Variants in NECAB2 observed in about 807,000 individuals in gnomAD.
NECAB2 encodes N-terminal EF-hand calcium binding protein 2, also known as N-terminal EF-hand calcium-binding protein 2.
NECAB2 carries 68 observed loss-of-function variants against 51.9 expected under a neutral mutation model. The ratio of observed to expected loss-of-function variants is 1.31; its 90% confidence interval spans 1.08 to 1.60. The LOEUF is 1.60. Ranked by LOEUF, NECAB2 falls within the 40% of genes most tolerant of loss-of-function variation. NECAB2 has a pLI of 0.00. For synonymous variants in NECAB2, 329 were observed against 203.5 expected, an observed-to-expected ratio of 1.62 and a Z score of -5.25; for missense variants, 854 against 490.3, an observed-to-expected ratio of 1.74 and a Z score of -7.00.
intron 2 of NECAB2, among the ~76,000 whole-genome samples, chr16:83,974,010 G>C (rs566867311): frequency 2.4e-4 from 36 of 151,050 alleles, no homozygotes; most frequent in African/African-American, 8.7e-4. Context: ...CCTTGCTGCA[G>C]GCTCCCCCCA....
At chr16:83,981,164 C>T in intron 5 of NECAB2, 37 bp downstream of exon 5, 1 of 1,559,666 alleles carries the variant, frequency 6.4e-7, no homozygotes, top group South Asian at 1.1e-5. Flanking sequence ...GTCCAGGGCT[C>T]CAGTGCTGCT....
chr16:83,978,456 T>C lies in NECAB2; in HGVS notation c.239T>C (p.Leu80Pro). Residue 80 changes from leucine (L) to proline (P), a missense_variant, in exon 3 of 13, where the codon CTG (leucine) becomes CCG (proline). Leu to Pro is a moderately conservative substitution (Grantham distance 98). Transcript: ENST00000305202. ...RRADKNDDGK[L>P]SLEEFQLFFA... is the part of the protein sequence containing the mutation. ...TCCTTCCTTGCAGATGATGGGAAGC[T>C]GTCCTTGGAGGAATTCCAGCTCTTC... 6.2e-7 allele frequency: 1 copy of C among 1,613,924 alleles called. No homozygotes were observed. Among genetic ancestry groups the C allele is most frequent in the Non-Finnish European group, 8.5e-7 (1 of 1,179,936 alleles).
intron 10 of NECAB2, among the ~76,000 whole-genome samples, chr16:83,998,966 A>T (rs1358048657): frequency 6.6e-6 from 1 of 152,146 alleles, no homozygotes; most frequent in African/African-American, 2.4e-5. Context: ...TCTTGCTGGT[A>T]GTGGTCCCCC....
At chr16:83,992,209 C>T (rs1405230883) in intron 6 of NECAB2, among the ~76,000 whole-genome samples, 1 of 82,818 alleles carries the variant, frequency 1.2e-5, no homozygotes. Context: ...AGGAGTGTTT[C>T]TTTCTGGTCT....
intron 1 of NECAB2, among the ~76,000 whole-genome samples, chr16:83,970,019 G>GCCAGAGA: frequency 6.6e-6 from 1 of 152,272 alleles, no homozygotes; most frequent in Non-Finnish European, 1.5e-5. Context: ...GCTTACGCAC[G>GCCAGAGA]CACACACAGC....
At chr16:83,974,432 C>T (rs777302551) in intron 2 of NECAB2, among the ~76,000 whole-genome samples, 1 of 152,178 alleles carries the variant, frequency 6.6e-6, no homozygotes, top group Non-Finnish European at 1.5e-5. Context: ...TCAAATGCCT[C>T]GGAAATGGGA....
rs766065183 is a variant in NECAB2 at position 83,990,538 on chromosome 16, C to T, written c.504C>T (p.Phe168=). Reference sequence around the variant, plus strand: ...ACGTGGACCAGTTTGTGACCCGCTTCCTCCTGAAGGAGACGGCCAATCAGA... The same window carrying T: ...ACGTGGACCAGTTTGTGACCCGCTTTCTCCTGAAGGAGACGGCCAATCAGA... The part of the protein sequence containing the change: ...GSNVDQFVTR[F]LLKETANQIQ... Residue 168 remains phenylalanine, a synonymous_variant, in exon 6 of 13, where the codon TTC becomes TTT. Coordinates refer to ENST00000305202, the MANE Select transcript of NECAB2 (RefSeq NM_019065.3). 6.2e-7 allele frequency: 1 copy of T among 1,614,214 alleles called. No individual in the cohort carries two copies. The highest frequency in any genetic ancestry group is 1.7e-5 in the Admixed American group (1 of 60,032).
At chr16:83,971,833 C>T in intron 1 of NECAB2, 1 of 527,194 alleles carries the variant, frequency 1.9e-6, no homozygotes, top group Non-Finnish European at 3.4e-6. Context: ...TGGGTGAAGC[C>T]ACGTGGACTG....
intron 9 of NECAB2, 143 bp downstream of exon 9, chr16:83,997,412 C>G: frequency 2.9e-6 from 3 of 1,028,790 alleles, no homozygotes; most frequent in Non-Finnish European, 4.3e-6. Context: ...CGCTTGGCAC[C>G]CAGACCCTGC....
chr16:83,990,707 G>A, intron 6 of NECAB2, 77 bp downstream of exon 6: 2 of 1,565,948 alleles, frequency 1.3e-6, no homozygotes, highest in Non-Finnish European at 1.7e-6. Context: ...GCTTGGTGGG[G>A]ATGTCTGTGT....
intron 6 of NECAB2, among the ~76,000 whole-genome samples, chr16:83,993,128 G>A (rs902686129): frequency 6.6e-6 from 1 of 152,098 alleles, no homozygotes; most frequent in African/African-American, 2.4e-5. Flanking sequence ...AGCTAGTTTG[G>A]CTCTAGGCTG....
intron 6 of NECAB2, among the ~76,000 whole-genome samples, chr16:83,992,992 C>G (rs757251792): frequency 6.6e-6 from 1 of 152,196 alleles, no homozygotes; most frequent in African/African-American, 2.4e-5. Flanking sequence ...AGCTCCATCA[C>G]GCGTCAGCAG....
At chr16:83,965,886 G>C, upstream of NECAB2, 1 of 1,612,856 alleles carries the variant, frequency 6.2e-7, no homozygotes, top group South Asian at 1.1e-5. Context: ...CAGAGCACCC[G>C]CCAGGAGGGC....
Position 83,992,040 on chromosome 16 carries a change from CTG to C in NECAB2, c.596+1412_596+1413del, listed in dbSNP as rs148162243. 8.1e-4 allele frequency among the ~76,000 whole-genome samples: 123 copies of C among 152,280 alleles called. 1 individual carries two copies. Among genetic ancestry groups the C allele is most frequent in the African/African-American group, 2.8e-3 (118 of 41,544 alleles). ...GCATCACATGCCGTAAGTGAAGTAA[CTG>C]TAAAAATAAGCACCTGTCATTGTTT... On this transcript the variant is annotated intron_variant, in intron 6 of 12. Coordinates refer to ENST00000305202, the MANE Select transcript of NECAB2 (RefSeq NM_019065.3).
intron 5 of NECAB2, among the ~76,000 whole-genome samples, chr16:83,986,679 A>ATTTT (rs113038465): frequency 4.4e-5 from 6 of 135,114 alleles, no homozygotes; most frequent in Non-Finnish European, 9.6e-5. Context: ...CTCACGGCAA[A>ATTTT]TTTTTTTTTT....
rs111925880 is a variant in NECAB2, at chr16:83,999,541, C to A, written c.963-1183C>A. 5.5e-3 allele frequency among the ~76,000 whole-genome samples: 830 copies of A among 152,216 alleles called. 6 individuals carry two copies. Among genetic ancestry groups the A allele is most frequent in the African/African-American group, 0.018 (755 of 41,526 alleles). ...GTCCACCCCAAGATGGAATCCAGCC[C>A]GGCCCCTTCCTCTAGGCTGAGCACT... On this transcript the variant is annotated intron_variant, in intron 10 of 12. Coordinates refer to ENST00000305202, the MANE Select transcript of NECAB2 (RefSeq NM_019065.3).
upstream of NECAB2, chr16:83,966,078 A>G: frequency 1.6e-6 from 2 of 1,265,640 alleles, no homozygotes; most frequent in Non-Finnish European, 2.1e-6. Flanking sequence ...TGGATGCAGG[A>G]CCCGTCCAAA....
upstream of NECAB2, chr16:83,965,674 G>A (rs746289704): frequency 6.2e-6 from 10 of 1,613,530 alleles, no homozygotes; most frequent in Non-Finnish European, 7.6e-6. Flanking sequence ...ACCAGCTGCT[G>A]TGCTTCAAGG....
At chr16:83,977,883 G>A (rs2084433527) in intron 2 of NECAB2, among the ~76,000 whole-genome samples, 1 of 152,218 alleles carries the variant, frequency 6.6e-6, no homozygotes, top group Admixed American at 6.5e-5. Flanking sequence ...CTGGGATTGG[G>A]GTTGGGAGCA....
Sources: allele counts gnomAD v4.1 joint callset (sites outside exome capture counted in the v4.1 genomes callset), GRCh38; gene constraint gnomAD v4.1.1; transcripts MANE v1.5; gene names NCBI Gene and HGNC (gene_info 2026-07-23, HGNC 2026-07-21).